KHDRBS2: variants seen among roughly 807,000 people sequenced by gnomAD.
The protein encoded by KHDRBS2 is KH domain-containing, RNA-binding, signal transduction-associated protein 2.
In KHDRBS2, 26 loss-of-function variants were observed where a neutral mutation model predicts 44.3. The observed-to-expected ratio is 0.59, with a 90% confidence interval of 0.43 to 0.81. The LOEUF is 0.81. KHDRBS2 is among the 40% of genes least tolerant of loss of function. KHDRBS2 has a pLI of 0.00. For missense variants in KHDRBS2, 476 were observed against 433.1 expected (o/e 1.10, Z -0.88); for synonymous variants, 194 against 151.1 (o/e 1.28, Z -2.08).
the KHDRBS2 span, among the ~76,000 whole-genome samples, chr6:61,562,730 A>C: frequency 2.0e-5 from 3 of 152,132 alleles, no homozygotes; most frequent in African/African-American, 7.2e-5. Flanking sequence ...ACCTTGGTCC[A>C]AAACACGAAA....
chr6:62,203,050 A>C (rs920346233), intron 1 of KHDRBS2, among the ~76,000 whole-genome samples: 11 of 152,114 alleles, frequency 7.2e-5, no homozygotes, highest in African/African-American at 2.4e-4. Context: ...CTTGGAATAC[A>C]ATTATTGTTC....
rs566713368 is a variant in KHDRBS2, at chr6:61,939,570, C to G, written c.484-38199G>C. ...GGTAAAAAAAACAGATTTATTGTTA[C>G]CTAATGTCATAGAAATTTGGAAATT... On this transcript the variant is annotated intron_variant, in intron 4 of 8. Coordinates refer to ENST00000281156, the MANE Select transcript of KHDRBS2 (RefSeq NM_152688.4). 4.6e-5 allele frequency among the ~76,000 whole-genome samples: 7 copies of G among 152,118 alleles called. 1 individual carries two copies. The South Asian group carries it at 1.0e-3, about 23-fold the overall frequency.
intron 6 of KHDRBS2, among the ~76,000 whole-genome samples, chr6:61,891,586 C>A (rs565371288): frequency 1.3e-5 from 2 of 152,094 alleles, no homozygotes; most frequent in African/African-American, 4.8e-5. Flanking sequence ...GGATGCAAGA[C>A]TGGTTCAACA....
intron 1 of KHDRBS2, among the ~76,000 whole-genome samples, chr6:62,248,544 A>T (rs1835999815): frequency 6.6e-6 from 1 of 151,946 alleles, no homozygotes; most frequent in Non-Finnish European, 1.5e-5. Flanking sequence ...TTTTTAGTAG[A>T]GACGGGGTTT....
intron 6 of KHDRBS2, among the ~76,000 whole-genome samples, chr6:61,776,641 G>A (rs991418397): frequency 4.6e-5 from 7 of 152,148 alleles, no homozygotes; most frequent in African/African-American, 1.4e-4. Flanking sequence ...GGAAACAACA[G>A]GTGCTGGAGA....
At chr6:62,129,423 C>T (rs558687620) in intron 2 of KHDRBS2, among the ~76,000 whole-genome samples, 2 of 152,112 alleles carry the variant, frequency 1.3e-5, no homozygotes, top group South Asian at 2.1e-4. Context: ...AGGAATATGT[C>T]ATTAGATTCA....
intron 3 of KHDRBS2, among the ~76,000 whole-genome samples, chr6:61,995,374 A>G (rs1234612043): frequency 6.6e-6 from 1 of 152,182 alleles, no homozygotes. Flanking sequence ...TTTAATGTCT[A>G]CTTTTCTAAC....
intron 6 of KHDRBS2, among the ~76,000 whole-genome samples, chr6:61,852,845 ACTTTT>A (rs1001423092): frequency 6.6e-6 from 1 of 152,138 alleles, no homozygotes; most frequent in Non-Finnish European, 1.5e-5. Flanking sequence ...AGTTCTGTTT[ACTTTT>A]CTTTATTGAA....
At position 62,106,517 on chromosome 6, in the gene KHDRBS2, C is replaced by T. The variant is rs140338304; in HGVS notation, c.220-58523G>A. On this transcript the variant is annotated intron_variant, in intron 2 of 8. Transcript: ENST00000281156. ...GTTAGCTATTCTTGGTGAATTGATC[C>T]CTTTACCAGGTACAAGGAGGAACTG... is the stretch of plus-strand genomic sequence containing the variant. 2.5e-3 allele frequency among the ~76,000 whole-genome samples: 377 copies of T among 152,096 alleles called. 3 individuals are homozygous for T. The highest frequency in any genetic ancestry group is 8.3e-3 in the African/African-American group (345 of 41,500).
At chr6:62,078,762 T>C (rs1796829364) in intron 2 of KHDRBS2, among the ~76,000 whole-genome samples, 4 of 151,994 alleles carry the variant, frequency 2.6e-5, no homozygotes, top group African/African-American at 9.7e-5. Context: ...TTTAATGTAC[T>C]TTAGTTTCTA....
chr6:61,628,880 T>C, the KHDRBS2 span, among the ~76,000 whole-genome samples: 1 of 152,338 alleles, frequency 6.6e-6, no homozygotes, highest in South Asian at 2.1e-4. Context: ...ATATAACTTT[T>C]TGTGATCTCA....
intron 2 of KHDRBS2, among the ~76,000 whole-genome samples, chr6:62,104,303 T>TA: frequency 6.6e-6 from 1 of 152,184 alleles, no homozygotes; most frequent in South Asian, 2.1e-4. Context: ...CTTTTTTTTT[T>TA]AATTATACTT....
the KHDRBS2 span, among the ~76,000 whole-genome samples, chr6:61,672,778 T>G: frequency 6.7e-6 from 1 of 149,992 alleles, no homozygotes. Context: ...TGCGAAAATT[T>G]TCTCCCATTT....
At chr6:61,880,734 T>C (rs934406776) in intron 6 of KHDRBS2, among the ~76,000 whole-genome samples, 1 of 151,940 alleles carries the variant, frequency 6.6e-6, no homozygotes, top group Non-Finnish European at 1.5e-5. Flanking sequence ...TCCCAGTGTG[T>C]TTTCTGTCTT....
At chr6:61,797,154 A>G (rs1215934472) in intron 6 of KHDRBS2, among the ~76,000 whole-genome samples, 2 of 152,138 alleles carry the variant, frequency 1.3e-5, no homozygotes, top group African/African-American at 4.8e-5. Flanking sequence ...TATATTTTTG[A>G]CCACAAAAAG....
intron 2 of KHDRBS2, among the ~76,000 whole-genome samples, chr6:62,055,927 T>C (rs1036580088): frequency 2.0e-5 from 3 of 151,994 alleles, no homozygotes; most frequent in African/African-American, 7.2e-5. Flanking sequence ...AAATTCCCAG[T>C]TCTTGGTCTT....
rs1417175689 is a variant in KHDRBS2, at chr6:61,795,358, G to A, written c.811-62594C>T. 2.0e-5 allele frequency among the ~76,000 whole-genome samples: 3 copies of A among 151,786 alleles called. No homozygotes were observed. The South Asian group carries it at 6.2e-4, about 31-fold the overall frequency. On this transcript the variant is annotated intron_variant, in intron 6 of 8. Transcript: ENST00000281156. ...CCAACACAAAAAGCACTAAAAGGGA[G>A]GCATGTCAACTTATACACAAGATTA...
intron 6 of KHDRBS2, among the ~76,000 whole-genome samples, chr6:61,826,310 G>A (rs763809033): frequency 6.6e-6 from 1 of 152,062 alleles, no homozygotes; most frequent in Non-Finnish European, 1.5e-5. Context: ...GTTAAGCCAG[G>A]AGCAGGCACT....
intron 6 of KHDRBS2, among the ~76,000 whole-genome samples, chr6:61,881,738 C>T (rs1224241793): frequency 6.6e-6 from 1 of 151,976 alleles, no homozygotes; most frequent in Non-Finnish European, 1.5e-5. Flanking sequence ...TTCTACAATT[C>T]ACCATTATGG....
Sources: gnomAD v4.1 joint callset for allele counts (sites outside exome capture counted in the v4.1 genomes callset) on GRCh38, gnomAD v4.1.1 for gene constraint, MANE v1.5 for transcripts, NCBI Gene and HGNC (gene_info 2026-07-23, HGNC 2026-07-21) for gene names.